Variants in UHMK1 observed in about 807,000 individuals in gnomAD.
UHMK1 encodes the protein U2AF homology motif kinase 1.
Under a neutral mutation model 44.0 loss-of-function variants are expected in UHMK1, and 18 were observed. The ratio of observed to expected loss-of-function variants is 0.41; its 90% CI spans 0.28 to 0.61. The LOEUF is 0.61. Ranked by LOEUF, UHMK1 falls within the 20% of genes least tolerant of loss-of-function variation. UHMK1 has a pLI of 0.31. For missense variants in UHMK1, 463 were observed against 522.5 expected, an observed-to-expected ratio of 0.89 and a Z score of 1.11; for synonymous variants, 231 against 198.5, an observed-to-expected ratio of 1.16 and a Z score of -1.38.
At chr1:162,511,969 A>G (rs1392472840) in intron 4 of UHMK1, among the ~76,000 whole-genome samples, 1 of 151,840 alleles carries the variant, frequency 6.6e-6, no homozygotes, top group Non-Finnish European at 1.5e-5. Context: ...TATCAATACC[A>G]TGCTGTTTTG....
intron 1 of UHMK1, among the ~76,000 whole-genome samples, chr1:162,499,324 G>A (rs1571002101): frequency 6.6e-6 from 1 of 151,940 alleles, no homozygotes; most frequent in Admixed American, 6.6e-5. Context: ...CAGGCACGTA[G>A]CACCAAGCCT....
rs994621200 is a variant in UHMK1 at position 162,527,451 on chromosome 1, C to G, written c.*4901C>G. On this transcript the variant is annotated 3_prime_UTR_variant, in exon 8 of 8. Transcript: ENST00000489294. ...TTTTATAGGTGGTCATTAAAGTGAT[C>G]TTCAGGATATAAGATAGTTTACACA... 1 of 152,062 alleles carries G rather than the reference C, an allele frequency of 6.6e-6. No individual in the cohort carries two copies. Among genetic ancestry groups the G allele is most frequent in the African/African-American group, 2.4e-5 (1 of 41,430 alleles). 9.4% of individuals were successfully genotyped at this position (152,062 alleles called of 1,614,324 possible). A position where few individuals can be genotyped will look rare whatever the true frequency, so the allele number is the denominator to read the frequency against.
intron 6 of UHMK1, among the ~76,000 whole-genome samples, chr1:162,515,423 G>A (rs1156483284): frequency 6.6e-6 from 1 of 152,032 alleles, no homozygotes; most frequent in African/African-American, 2.4e-5. Flanking sequence ...TATTCTCCTT[G>A]TAGAAAATTA....
At chr1:162,521,139 A>G (rs1235259763) in intron 7 of UHMK1, among the ~76,000 whole-genome samples, 1 of 152,222 alleles carries the variant, frequency 6.6e-6, no homozygotes, top group Non-Finnish European at 1.5e-5. Flanking sequence ...TCAAGCAAAC[A>G]TGATTTTATA....
At chr1:162,515,608 G>A (rs919695135) in intron 6 of UHMK1, among the ~76,000 whole-genome samples, 5 of 152,180 alleles carry the variant, frequency 3.3e-5, no homozygotes, top group Admixed American at 6.5e-5. Flanking sequence ...TTCAGGTTAC[G>A]AAGGTACAAT....
chr1:162,498,386 CTT>C, intron 1 of UHMK1, 118 bp downstream of exon 1: 1 of 1,229,486 alleles, frequency 8.1e-7, no homozygotes, highest in Non-Finnish European at 1.1e-6. Flanking sequence ...GTTTAGCCCT[CTT>C]TATCACCCCA....
At chr1:162,514,388 A>C (rs934782098) in intron 6 of UHMK1, among the ~76,000 whole-genome samples, 4 of 152,176 alleles carry the variant, frequency 2.6e-5, no homozygotes, top group Non-Finnish European at 5.9e-5. Flanking sequence ...TAGTTTCCTC[A>C]TCTATAAAAT....
At chr1:162,521,615 G>T (rs1019148111) in intron 7 of UHMK1, among the ~76,000 whole-genome samples, 1 of 152,052 alleles carries the variant, frequency 6.6e-6, no homozygotes, top group African/African-American at 2.4e-5. Flanking sequence ...GTGCTATCAC[G>T]CCCAGTTAGA....
intron 4 of UHMK1, among the ~76,000 whole-genome samples, chr1:162,511,828 C>A (rs745804575): frequency 8.5e-5 from 13 of 152,052 alleles, no homozygotes; most frequent in Non-Finnish European, 1.6e-4. Flanking sequence ...TTTCCCAGCA[C>A]CGTTTATTGA....
intron 4 of UHMK1, among the ~76,000 whole-genome samples, chr1:162,509,530 A>T (rs996950288): frequency 6.6e-6 from 1 of 151,656 alleles, no homozygotes; most frequent in Non-Finnish European, 1.5e-5. Context: ...GTTTGGGTTT[A>T]TTTTTTTTCT....
chr1:162,510,857 T>A (rs1651639904), intron 4 of UHMK1, among the ~76,000 whole-genome samples: 1 of 152,138 alleles, frequency 6.6e-6, no homozygotes, highest in African/African-American at 2.4e-5. Context: ...AGTTCTTTTT[T>A]AAAAATTTTT....
chr1:162,513,065 C>T (rs540429796), intron 6 of UHMK1: 1 of 381,720 alleles, frequency 2.6e-6, no homozygotes, highest in East Asian at 6.1e-5. Flanking sequence ...CCTCAGCCCC[C>T]CAAGTAGCTG....
intron 3 of UHMK1, 100 bp from the exon 4 acceptor site, chr1:162,503,654 G>T: frequency 2.0e-5 from 12 of 590,440 alleles, no homozygotes; most frequent in Non-Finnish European, 3.5e-5. Flanking sequence ...TCAGAAGATA[G>T]TGTTTTCTGT....
At chr1:162,513,079 T>G in intron 6 of UHMK1, 2 of 373,850 alleles carry the variant, frequency 5.3e-6, no homozygotes, top group Non-Finnish European at 1.0e-5. Context: ...GTAGCTGAGA[T>G]TACAGGCATG....
In UHMK1 at chr1:162,528,023, C is replaced by T. The variant is rs978750723; in HGVS notation, c.*5473C>T. Reference sequence around the variant, plus strand: ...TCAACAAGATAATTATTTGTAATCACTTTTTTATCCCAGGTTGGAATTGCT... The same window carrying T: ...TCAACAAGATAATTATTTGTAATCATTTTTTTATCCCAGGTTGGAATTGCT... On this transcript the variant is annotated 3_prime_UTR_variant, in exon 8 of 8. Transcript: ENST00000489294. 1.3e-5 allele frequency: 2 copies of T among 151,894 alleles called. No individual in the cohort carries two copies. The highest frequency in any genetic ancestry group is 4.8e-5 in the African/African-American group (2 of 41,366). The allele number at this position is 151,894 out of a possible 1,614,324, so 9.4% of individuals were successfully genotyped here.
rs1450521422 is a variant in UHMK1 at position 162,526,389 on chromosome 1, A to G, written c.*3839A>G. 5 of 151,992 alleles carry G rather than the reference A, an allele frequency of 3.3e-5. No homozygotes were observed. The highest frequency in any genetic ancestry group is 2.1e-4 in the South Asian group (1 of 4,822). 9.4% of individuals were successfully genotyped at this position (151,992 alleles called of 1,614,324 possible). A position where few individuals can be genotyped will look rare whatever the true frequency, so the allele number is the denominator to read the frequency against. ...TAGGGGAGACACTCAGTAACCATCT[A>G]TTTACCTAGACACTTATGCAGGGGT... is the stretch of plus-strand genomic sequence containing the variant. On this transcript the variant is annotated 3_prime_UTR_variant, in exon 8 of 8. Coordinates refer to ENST00000489294, the MANE Select transcript of UHMK1 (RefSeq NM_175866.5).
At chr1:162,501,239 A>G (rs933602274) in intron 3 of UHMK1, 135 bp downstream of exon 3, 4 of 823,336 alleles carry the variant, frequency 4.9e-6, no homozygotes, top group Admixed American at 5.8e-5. Context: ...GCGCAATCTC[A>G]GCTCACTGCA....
intron 6 of UHMK1, among the ~76,000 whole-genome samples, chr1:162,516,462 G>A (rs1394734080): frequency 6.6e-6 from 1 of 152,164 alleles, no homozygotes; most frequent in East Asian, 1.9e-4. Context: ...AGAAAGGGAT[G>A]AGGGAAGGAA....
rs1177965469 is a variant in UHMK1 at position 162,528,352 on chromosome 1, G to A, written c.*5802G>A. 1 of 151,944 alleles carries A rather than the reference G, an allele frequency of 6.6e-6. No homozygotes were observed. Among genetic ancestry groups the A allele is most frequent in the African/African-American group, 2.4e-5 (1 of 41,394 alleles). 9.4% of individuals were successfully genotyped at this position (151,944 alleles called of 1,614,324 possible). On this transcript the variant is annotated 3_prime_UTR_variant, in exon 8 of 8. Transcript: ENST00000489294. ...CTAAAAAATGATACTTAAAGTTCCA[G>A]GTTTGGTACCGCTAGCATAGAAACA... is the stretch of plus-strand genomic sequence containing the variant.
Sources: gnomAD v4.1 joint callset for allele counts (sites outside exome capture counted in the v4.1 genomes callset) on GRCh38, gnomAD v4.1.1 for gene constraint, MANE v1.5 for transcripts, NCBI Gene and HGNC (gene_info 2026-07-23, HGNC 2026-07-21) for gene names.